The following PPP2R2B variants were observed in gnomAD, a reference collection of about 807,000 sequenced individuals.
PPP2R2B encodes the protein serine/threonine-protein phosphatase 2A 55 kDa regulatory subunit B beta isoform.
PPP2R2B carries 5 observed loss-of-function variants against 46.0 expected under a neutral mutation model. That is an observed-to-expected ratio of 0.11 (90% CI 0.06 to 0.23). PPP2R2B has a LOEUF of 0.23. Among genes scored for constraint, PPP2R2B ranks in the 10% least tolerant of loss-of-function variants. PPP2R2B has a pLI of 1.00. For missense variants in PPP2R2B, 367 were observed against 575.0 expected (o/e 0.64, Z 3.70); for synonymous variants, 215 against 206.7 (o/e 1.04, Z -0.34).
intron 1 of PPP2R2B, among the ~76,000 whole-genome samples, chr5:147,051,826 G>A (rs1185903201): frequency 1.7e-5 from 2 of 116,490 alleles, no homozygotes; most frequent in African/African-American, 6.7e-5. Flanking sequence ...GCAGTAGTGT[G>A]ATCTCGGCTC....
At chr5:147,019,282 G>A (rs959753536) in intron 1 of PPP2R2B, among the ~76,000 whole-genome samples, 2 of 152,136 alleles carry the variant, frequency 1.3e-5, no homozygotes, top group East Asian at 1.9e-4. Context: ...GCTGTTTGAA[G>A]ATACAACTGT....
chr5:146,731,544 C>CTAAT (rs1752231170), intron 2 of PPP2R2B, among the ~76,000 whole-genome samples: 1 of 152,170 alleles, frequency 6.6e-6, no homozygotes, highest in South Asian at 2.1e-4. Flanking sequence ...GTTTAACTGA[C>CTAAT]TAATTAAGAG....
chr5:146,689,060 T>C (rs1166619739), intron 5 of PPP2R2B, among the ~76,000 whole-genome samples: 2 of 152,114 alleles, frequency 1.3e-5, no homozygotes, highest in East Asian at 3.9e-4. Flanking sequence ...GAAAAATAAC[T>C]GAATTGTCTC....
At chr5:146,730,091 G>A (rs553274943) in intron 2 of PPP2R2B, among the ~76,000 whole-genome samples, 1 of 152,308 alleles carries the variant, frequency 6.6e-6, no homozygotes, top group Non-Finnish European at 1.5e-5. Context: ...AAAGCCACAG[G>A]GGCAGAGCTG....
intron 6 of PPP2R2B, among the ~76,000 whole-genome samples, chr5:146,640,042 G>T (rs17104941): frequency 6.6e-6 from 1 of 152,106 alleles, no homozygotes; most frequent in Non-Finnish European, 1.5e-5. Flanking sequence ...GTTTAGATGC[G>T]GTACAAGCAA....
intron 1 of PPP2R2B, among the ~76,000 whole-genome samples, chr5:147,023,951 C>T (rs1325080721): frequency 2.6e-5 from 4 of 152,220 alleles, no homozygotes; most frequent in African/African-American, 9.6e-5. Flanking sequence ...AGAATTTACA[C>T]CAATGCCCCA....
chr5:146,735,861 C>A (rs898409569), intron 2 of PPP2R2B, among the ~76,000 whole-genome samples: 10 of 152,122 alleles, frequency 6.6e-5, no homozygotes, highest in African/African-American at 2.2e-4. Context: ...ATGATGATAA[C>A]CTATTTCATT....
At chr5:147,013,810 A>G (rs1360952637) in intron 1 of PPP2R2B, among the ~76,000 whole-genome samples, 14 of 116,626 alleles carry the variant, frequency 1.2e-4, no homozygotes, top group African/African-American at 4.5e-4. Context: ...ATTACCATTC[A>G]GGACATAGGC....
chr5:146,805,691 T>G (rs1281866309), intron 2 of PPP2R2B, among the ~76,000 whole-genome samples: 4 of 152,126 alleles, frequency 2.6e-5, no homozygotes, highest in African/African-American at 9.7e-5. Flanking sequence ...AATGGAGTGG[T>G]TTAAAAGTGG....
intron 2 of PPP2R2B, among the ~76,000 whole-genome samples, chr5:146,800,016 A>G (rs1162961909): frequency 6.6e-6 from 1 of 152,094 alleles, no homozygotes; most frequent in Non-Finnish European, 1.5e-5. Context: ...ATAGTTCATT[A>G]GTGGGTGTGG....
At chr5:146,983,079 G>C (rs1753248966) in intron 1 of PPP2R2B, among the ~76,000 whole-genome samples, 1 of 144,584 alleles carries the variant, frequency 6.9e-6, no homozygotes, top group South Asian at 2.2e-4. Context: ...TTTTATTTTT[G>C]TCCTTTTTGG....
intron 2 of PPP2R2B, among the ~76,000 whole-genome samples, chr5:146,849,996 G>A (rs893021136): frequency 2.0e-5 from 3 of 152,108 alleles, no homozygotes; most frequent in African/African-American, 7.2e-5. Context: ...AGCCTTTGAA[G>A]GTGGAGGGTA....
intron 1 of PPP2R2B, among the ~76,000 whole-genome samples, chr5:146,928,384 G>C (rs984073538): frequency 6.6e-6 from 1 of 151,750 alleles, no homozygotes; most frequent in African/African-American, 2.4e-5. Flanking sequence ...AAACTGAACT[G>C]TTCCCACCTG....
At chr5:146,894,445 T>A (rs1432209127) in intron 1 of PPP2R2B, among the ~76,000 whole-genome samples, 1 of 152,196 alleles carries the variant, frequency 6.6e-6, no homozygotes, top group Non-Finnish European at 1.5e-5. Context: ...ACTTTATTTT[T>A]ATTTTTATTT....
At chr5:146,949,802 T>C (rs1385499369) in intron 1 of PPP2R2B, among the ~76,000 whole-genome samples, 2 of 152,058 alleles carry the variant, frequency 1.3e-5, no homozygotes, top group African/African-American at 4.8e-5. Context: ...ACATGGTACC[T>C]ATACACAATA....
intron 2 of PPP2R2B, chr5:146,751,288 G>A (rs1041548983): frequency 2.4e-4 from 36 of 152,300 alleles, no homozygotes; most frequent in Admixed American, 1.7e-3. Context: ...AGAACATAGC[G>A]GGGAAGAGGT....
chr5:146,656,893 C>T (rs576863607), intron 5 of PPP2R2B, among the ~76,000 whole-genome samples: 3 of 152,172 alleles, frequency 2.0e-5, no homozygotes, highest in South Asian at 2.1e-4. Context: ...TCTGCTCACC[C>T]GCTTTGAGTC....
intron 1 of PPP2R2B, among the ~76,000 whole-genome samples, chr5:146,947,251 C>A (rs1764512250): frequency 6.6e-6 from 1 of 152,186 alleles, no homozygotes; most frequent in Non-Finnish European, 1.5e-5. Flanking sequence ...GACAACAGCA[C>A]CCCAATTCTA....
intron 2 of PPP2R2B, among the ~76,000 whole-genome samples, chr5:146,791,786 TACCAG>T (rs1461831354): frequency 6.6e-6 from 1 of 152,222 alleles, no homozygotes; most frequent in Non-Finnish European, 1.5e-5. Context: ...CTATTTATTA[TACCAG>T]ACCACTGGCT....
Sources: allele counts gnomAD v4.1 joint callset (sites outside exome capture counted in the v4.1 genomes callset), GRCh38; gene constraint gnomAD v4.1.1; transcripts MANE v1.5; gene names NCBI Gene and HGNC (gene_info 2026-07-23, HGNC 2026-07-21).